The following SGCD variants were observed in gnomAD, a reference collection of about 807,000 sequenced individuals.
SGCD encodes delta-sarcoglycan.
SGCD carries 18 observed loss-of-function variants against 36.6 expected under a neutral mutation model. The observed-to-expected ratio is 0.49, with a 90% CI of 0.34 to 0.73. The LOEUF is 0.73. SGCD is among the 30% of genes least tolerant of loss of function. The pLI, the probability that SGCD is intolerant of heterozygous loss-of-function variation, is 0.01. For synonymous variants in SGCD, 133 were observed against 130.6 expected (o/e 1.02, Z -0.12); for missense variants, 387 against 346.7 (o/e 1.12, Z -0.92).
chr5:156,677,434 C>T (rs1056410453), intron 7 of SGCD, among the ~76,000 whole-genome samples: 1 of 151,806 alleles, frequency 6.6e-6, no homozygotes. Flanking sequence ...CAAACTATCG[C>T]AAGGACAGAA....
intron 4 of SGCD, among the ~76,000 whole-genome samples, chr5:156,573,808 C>A (rs545518851): frequency 6.6e-6 from 1 of 152,260 alleles, no homozygotes; most frequent in East Asian, 1.9e-4. Context: ...ATCCTCTCAA[C>A]TCTGCCTCCC....
chr5:156,329,519 A>G lies in SGCD; in HGVS notation c.-43-15A>G. The stretch of plus-strand genomic sequence containing the variant: ...TCTTCAGACCTTATTTTTAACCCAT[A>G]TTTGTTCCTTGCAGAGACATTACTG... On this transcript the variant is annotated splice_polypyrimidine_tract_variant and intron_variant, in intron 1 of 8. Transcript: ENST00000337851. 1 of 1,591,114 alleles carries G rather than the reference A, an allele frequency of 6.3e-7. No homozygotes were observed. Among genetic ancestry groups the G allele is most frequent in the Non-Finnish European group, 8.6e-7 (1 of 1,159,590 alleles).
the SGCD span, among the ~76,000 whole-genome samples, chr5:155,752,922 C>T: frequency 6.6e-6 from 1 of 152,172 alleles, no homozygotes; most frequent in African/African-American, 2.4e-5. Context: ...CAAGATTACA[C>T]AGCACATAGA....
intron 7 of SGCD, among the ~76,000 whole-genome samples, chr5:156,667,778 G>GT (rs1479087497): frequency 1.3e-5 from 2 of 152,244 alleles, no homozygotes; most frequent in South Asian, 4.1e-4. Context: ...ACAAATATTA[G>GT]TTTTTTGGAG....
intron 3 of SGCD, among the ~76,000 whole-genome samples, chr5:156,180,041 T>C (rs377117603): frequency 6.6e-6 from 1 of 152,374 alleles, no homozygotes; most frequent in South Asian, 2.1e-4. Flanking sequence ...TACTTGGAAC[T>C]GAAGTCAGAA....
In SGCD at chr5:156,473,293, T is replaced by C. The variant is rs114353800; in HGVS notation, c.193-35308T>C. ...AACCCTATACAGATGCTCCTCAAGTTTCCATGGAGATACCTCCCAACAAAA... is the reference window on the plus strand; with the variant it reads ...AACCCTATACAGATGCTCCTCAAGTCTCCATGGAGATACCTCCCAACAAAA... On this transcript the variant is annotated intron_variant, in intron 3 of 8. Coordinates refer to ENST00000337851, the MANE Select transcript of SGCD (RefSeq NM_000337.6). Among the ~76,000 whole-genome samples the C allele has an allele frequency of 9.2e-3, 1,397 of 152,282 alleles. 27 individuals are homozygous for C. The highest frequency in any genetic ancestry group is 0.032 in the African/African-American group (1,324 of 41,564).
At chr5:155,993,740 T>C (rs1043427457) in intron 1 of SGCD, among the ~76,000 whole-genome samples, 1 of 152,184 alleles carries the variant, frequency 6.6e-6, no homozygotes, top group Non-Finnish European at 1.5e-5. Context: ...CCATGGACCC[T>C]CTATGTGGTT....
At chr5:156,307,567 T>G (rs1315667324) in intron 3 of SGCD, among the ~76,000 whole-genome samples, 2 of 148,392 alleles carry the variant, frequency 1.3e-5, no homozygotes, top group Non-Finnish European at 3.0e-5. Flanking sequence ...TTTTTTTTTT[T>G]TTTTTTTTTT....
At chr5:156,246,979 C>T (rs1319278155) in intron 3 of SGCD, among the ~76,000 whole-genome samples, 2 of 152,106 alleles carry the variant, frequency 1.3e-5, no homozygotes, top group East Asian at 3.9e-4. Context: ...TTAGCATAAA[C>T]AAAAAAAGCA....
chr5:156,153,996 T>G (rs1762889782), intron 3 of SGCD, among the ~76,000 whole-genome samples: 1 of 151,614 alleles, frequency 6.6e-6, no homozygotes, highest in Admixed American at 6.6e-5. Flanking sequence ...AAAGATGTAC[T>G]GTTGCCTAAA....
intron 4 of SGCD, 56 bp from the exon 5 acceptor site, chr5:156,589,175 T>C (rs1038828885): frequency 7.8e-7 from 1 of 1,289,508 alleles, no homozygotes; most frequent in Non-Finnish European, 1.1e-6. Context: ...TAATGACAGT[T>C]CTTTTTGTTT....
intron 3 of SGCD, among the ~76,000 whole-genome samples, chr5:156,376,096 C>T (rs1325533337): frequency 6.6e-6 from 1 of 152,162 alleles, no homozygotes; most frequent in South Asian, 2.1e-4. Flanking sequence ...TCTATGTCAG[C>T]AGTTTAACAA....
chr5:156,269,699 CT>C (rs1766121380), intron 3 of SGCD, among the ~76,000 whole-genome samples: 2 of 152,026 alleles, frequency 1.3e-5, no homozygotes, highest in African/African-American at 4.8e-5. Context: ...CCATTGCTCA[CT>C]TTTAAATGGG....
chr5:156,526,322 T>C (rs369546120), intron 4 of SGCD, among the ~76,000 whole-genome samples: 5 of 152,290 alleles, frequency 3.3e-5, no homozygotes, highest in East Asian at 1.9e-4. Flanking sequence ...ATAGGTTCCA[T>C]TGATAAATTA....
Position 155,935,919 on chromosome 5 carries a change from G to T in SGCD, c.-282+65495G>T, listed in dbSNP as rs1460710264. Among the ~76,000 whole-genome samples, 3 of 152,278 alleles carry T rather than the reference G, an allele frequency of 2.0e-5. No homozygotes were observed. The East Asian group carries it at 5.8e-4, about 29-fold the overall frequency. On this transcript the variant is annotated intron_variant, in intron 1 of 9. Transcript: ENST00000517913. The stretch of plus-strand genomic sequence containing the variant: ...GGGTCCAGCCACTGCACACAGTCAG[G>T]CACACCAGCTGCAGCAGGGCAGATA...
At chr5:156,229,575 C>G (rs1283070914) in intron 3 of SGCD, among the ~76,000 whole-genome samples, 2 of 151,708 alleles carry the variant, frequency 1.3e-5, no homozygotes, top group Non-Finnish European at 2.9e-5. Context: ...TTACCTGGTG[C>G]TTTTGTCTCA....
chr5:155,982,994 A>G (rs543327233), intron 1 of SGCD, among the ~76,000 whole-genome samples: 112 of 152,132 alleles, frequency 7.4e-4, no homozygotes, highest in African/African-American at 2.5e-3. Flanking sequence ...CTTTTTATTT[A>G]TTTTTTCTCT....
rs1189540837 is a variant in SGCD at position 156,269,505 on chromosome 5, A to AAAAAAAAAAAAAAC, written c.-43-60024_-43-60023insAAAAAAAACAAAAA. 7.0e-5 allele frequency among the ~76,000 whole-genome samples: 6 copies of AAAAAAAAAAAAAAC among 86,174 alleles called. 2 individuals are homozygous for AAAAAAAAAAAAAAC. The highest frequency in any genetic ancestry group is 2.3e-4 in the Admixed American group (2 of 8,688). 56.5% of individuals were successfully genotyped at this position (86,174 alleles called of 152,430 possible). On this transcript the variant is annotated intron_variant, in intron 3 of 9. Coordinates refer to the SGCD transcript ENST00000517913. The stretch of plus-strand genomic sequence containing the variant: ...AAAAAAAAAAAAAAAAAAAAAAAAA[A>AAAAAAAAAAAAAAC]AAAAACCATCAGATCTCATGAAACT...
At chr5:156,470,127 T>G (rs1183752713) in intron 3 of SGCD, among the ~76,000 whole-genome samples, 2 of 152,196 alleles carry the variant, frequency 1.3e-5, no homozygotes, top group African/African-American at 4.8e-5. Context: ...AACAGCCTTT[T>G]TCTGGATGTA....
Sources: allele counts gnomAD v4.1 joint callset (sites outside exome capture counted in the v4.1 genomes callset), GRCh38; gene constraint gnomAD v4.1.1; transcripts MANE v1.5; gene names NCBI Gene and HGNC (gene_info 2026-07-23, HGNC 2026-07-21).